The following RPS6KA2 variants were observed in gnomAD, a reference collection of about 807,000 sequenced individuals.
The protein encoded by RPS6KA2 is ribosomal protein S6 kinase A2.
RPS6KA2 carries 42 observed loss-of-function variants against 91.8 expected under a neutral mutation model. The observed-to-expected ratio is 0.46, with a 90% confidence interval of 0.36 to 0.59. The LOEUF (loss-of-function observed/expected upper bound fraction) is 0.59. RPS6KA2 is among the 20% of genes least tolerant of loss of function. The probability of loss-of-function intolerance (pLI) is 0.00; values close to 1 mark genes in which losing one functional copy is unlikely to be tolerated. For synonymous variants in RPS6KA2, 414 were observed against 393.6 expected (o/e 1.05, Z -0.61); for missense variants, 798 against 978.5 (o/e 0.82, Z 2.46).
chr6:166,690,131 G>A lies in RPS6KA2; in HGVS notation c.124-151347C>T, dbSNP rs757901423. 2.5e-4 allele frequency among the ~76,000 whole-genome samples: 38 copies of A among 152,214 alleles called. 1 individual carries two copies. Among genetic ancestry groups the A allele is most frequent in the Admixed American group, 1.3e-4 (2 of 15,294 alleles). On this transcript the variant is annotated intron_variant, in intron 2 of 21. Transcript: ENST00000503859. ...AGCTGAGGGGTGGAGGGAGGAGGGT[G>A]AAGTGTGAGGCTGCTTTGGGACCAC...
intron 2 of RPS6KA2, among the ~76,000 whole-genome samples, chr6:166,708,276 G>T (rs1789743829): frequency 6.6e-6 from 1 of 151,630 alleles, no homozygotes; most frequent in South Asian, 2.1e-4. Flanking sequence ...TCTTTTTTTT[G>T]CATAAAGGAA....
At chr6:166,619,855 G>T (rs755398672) in intron 1 of RPS6KA2, among the ~76,000 whole-genome samples, 8 of 152,242 alleles carry the variant, frequency 5.3e-5, no homozygotes, top group Non-Finnish European at 1.2e-4. Context: ...TGGGCTGAGA[G>T]CATTAAAATT....
At chr6:166,834,270 C>T (rs1780260790) in intron 2 of RPS6KA2, among the ~76,000 whole-genome samples, 1 of 152,140 alleles carries the variant, frequency 6.6e-6, no homozygotes, top group South Asian at 2.1e-4. Context: ...TTTTAATCTG[C>T]ATATCCTAAA....
intron 3 of RPS6KA2, among the ~76,000 whole-genome samples, chr6:166,526,519 A>C (rs1783046618): frequency 6.6e-6 from 1 of 151,698 alleles, no homozygotes; most frequent in Non-Finnish European, 1.5e-5. Context: ...TTAATTTTTG[A>C]CTTTTTAAAT....
chr6:166,624,971 T>C (rs1786797634), intron 1 of RPS6KA2, among the ~76,000 whole-genome samples: 2 of 152,046 alleles, frequency 1.3e-5, no homozygotes, highest in African/African-American at 4.8e-5. Flanking sequence ...GCAGCTGGGA[T>C]TACAGGCACG....
At chr6:166,568,075 T>A (rs1471977750) in intron 1 of RPS6KA2, among the ~76,000 whole-genome samples, 1 of 152,150 alleles carries the variant, frequency 6.6e-6, no homozygotes, top group East Asian at 1.9e-4. Flanking sequence ...CCCTTGGACA[T>A]CCTGCTCTCG....
intron 2 of RPS6KA2, among the ~76,000 whole-genome samples, chr6:166,764,245 G>A (rs637191): frequency 0.17 from 26,120 of 152,064 alleles, 2,897 homozygotes; most frequent in African/African-American, 0.3. Flanking sequence ...GTGTGGTCAG[G>A]GTCATTTAAG....
At chr6:166,787,325 A>G (rs1927430) in intron 2 of RPS6KA2, among the ~76,000 whole-genome samples, 52,809 of 151,968 alleles carry the variant, frequency 0.35, 9,886 homozygotes, top group African/African-American at 0.47. Context: ...TTTTAAAAAT[A>G]TTTAAGTGTT....
chr6:166,489,442 G>A (rs1412048594), intron 9 of RPS6KA2, among the ~76,000 whole-genome samples: 5 of 152,138 alleles, frequency 3.3e-5, no homozygotes, highest in East Asian at 1.9e-4. Context: ...AACCCCGGGA[G>A]GGTCTCAGGA....
Position 166,448,642 on chromosome 6 carries a change from T to C in RPS6KA2, c.1332+82A>G, listed in dbSNP as rs1779753577. On this transcript the variant is annotated intron_variant, in intron 14 of 20. Transcript: ENST00000265678. The surrounding 1 kb of genome is among the most constrained non-coding windows in gnomAD (Gnocchi z 4.7). ...CACACAGGGCCCTGCTATGCTCCTA[T>C]GCTCCGTGCTCCCACATACCACACG... 1.3e-6 allele frequency: 2 copies of C among 1,482,532 alleles called. No individual in the cohort carries two copies. Among genetic ancestry groups the C allele is most frequent in the South Asian group, 1.3e-5 (1 of 78,596 alleles). The allele number at this position is 1,482,532 out of a possible 1,614,324, so 91.8% of individuals were successfully genotyped here. A position where few individuals can be genotyped will look rare whatever the true frequency, so the allele number is the denominator to read the frequency against.
chr6:166,549,472 T>G (rs1048167491), intron 1 of RPS6KA2, among the ~76,000 whole-genome samples: 2 of 152,158 alleles, frequency 1.3e-5, no homozygotes, highest in Non-Finnish European at 2.9e-5. Context: ...TATACACAAA[T>G]GCAAAGGAAC....
chr6:166,829,684 A>T (rs1780134839), intron 2 of RPS6KA2, among the ~76,000 whole-genome samples: 2 of 151,950 alleles, frequency 1.3e-5, no homozygotes, highest in Admixed American at 1.3e-4. Context: ...GTATTTGTCT[A>T]CCCATGTTCA....
intron 10 of RPS6KA2, among the ~76,000 whole-genome samples, chr6:166,480,385 G>A (rs760826245): frequency 5.3e-5 from 8 of 150,582 alleles, no homozygotes; most frequent in Admixed American, 1.3e-4. Context: ...TAGCCCCTTC[G>A]TAAGACAGGG....
intron 6 of RPS6KA2, among the ~76,000 whole-genome samples, chr6:166,501,865 T>C (rs1413738480): frequency 2.0e-5 from 3 of 152,210 alleles, no homozygotes; most frequent in African/African-American, 7.2e-5. Flanking sequence ...GATTAATCTG[T>C]GATACCTTTA....
Position 166,817,419 on chromosome 6 carries a change from A to ACC in RPS6KA2, c.123+40779_123+40780dup, listed in dbSNP as rs201325418. Among the ~76,000 whole-genome samples the ACC allele has an allele frequency of 1.4e-4, 20 of 144,652 alleles. No homozygotes were observed. The East Asian group carries it at 4.1e-3, about 30-fold the overall frequency. The allele number at this position is 144,652 out of a possible 152,430, so 94.9% of individuals were successfully genotyped here. ...CGCATGTAAACACACACACACACAC[A>ACC]CCCTAAACCATAAAACAGTAGAGCA... On this transcript the variant is annotated intron_variant, in intron 2 of 21. Coordinates refer to the RPS6KA2 transcript ENST00000503859.
At chr6:166,553,890 G>A (rs555478943) in intron 1 of RPS6KA2, among the ~76,000 whole-genome samples, 20 of 152,230 alleles carry the variant, frequency 1.3e-4, no homozygotes, top group African/African-American at 4.6e-4. Flanking sequence ...AATCCCCACC[G>A]AGATTTGCAT....
chr6:166,510,671 C>G (rs920265491), intron 3 of RPS6KA2, among the ~76,000 whole-genome samples: 6 of 136,474 alleles, frequency 4.4e-5, no homozygotes, highest in African/African-American at 1.4e-4. Context: ...GGTGCATGTG[C>G]AGGTGTCTCC....
chr6:166,827,674 C>G (rs934580596), intron 2 of RPS6KA2, among the ~76,000 whole-genome samples: 4 of 152,168 alleles, frequency 2.6e-5, no homozygotes, highest in African/African-American at 9.7e-5. Flanking sequence ...GTGTTCCCAC[C>G]ACCAAAAACA....
intron 2 of RPS6KA2, among the ~76,000 whole-genome samples, chr6:166,785,703 G>A (rs990603147): frequency 3.9e-5 from 6 of 152,218 alleles, no homozygotes; most frequent in Admixed American, 2.6e-4. Context: ...GTCAGACTTA[G>A]CTGAGTCCAA....
Sources: gnomAD v4.1 joint callset for allele counts (sites outside exome capture counted in the v4.1 genomes callset) on GRCh38, gnomAD v4.1.1 for gene constraint, Gnocchi (gnomAD v3.1) non-coding constraint, MANE v1.5 for transcripts, NCBI Gene and HGNC (gene_info 2026-07-23, HGNC 2026-07-21) for gene names.